SV2B: variants seen among roughly 807,000 people sequenced by gnomAD.
SV2B encodes the protein synaptic vesicle glycoprotein 2B, also known as solute carrier family 22 member B2.
SV2B carries 41 observed loss-of-function variants against 73.9 expected under a neutral mutation model. The ratio of observed to expected loss-of-function variants is 0.56; its 90% CI spans 0.43 to 0.72. The LOEUF (loss-of-function observed/expected upper bound fraction) is 0.72. SV2B is among the 30% of genes least tolerant of loss of function. SV2B has a pLI of 0.00. For synonymous variants in SV2B, 314 were observed against 314.2 expected (o/e 1.00, Z 0.01); for missense variants, 764 against 857.8 (o/e 0.89, Z 1.37).
intron 2 of SV2B, among the ~76,000 whole-genome samples, chr15:91,230,812 G>A (rs1163651238): frequency 3.3e-5 from 5 of 152,142 alleles, no homozygotes; most frequent in Non-Finnish European, 5.9e-5. Context: ...TGGAAATAGA[G>A]GTCACACAGA....
At chr15:91,164,573 A>T (rs908356047) in intron 1 of SV2B, among the ~76,000 whole-genome samples, 8 of 152,186 alleles carry the variant, frequency 5.3e-5, no homozygotes, top group African/African-American at 1.2e-4. Flanking sequence ...TATCTGCAGA[A>T]TTTCTTTACA....
In SV2B at chr15:91,267,735, T is replaced by A; in HGVS notation, c.1208+92T>A. 1 of 1,061,434 alleles carries A rather than the reference T, an allele frequency of 9.4e-7. No individual in the cohort carries two copies. The highest frequency in any genetic ancestry group is 1.4e-6 in the Non-Finnish European group (1 of 700,098). 65.8% of individuals were successfully genotyped at this position (1,061,434 alleles called of 1,614,324 possible). On this transcript the variant is annotated intron_variant, in intron 8 of 12. Transcript: ENST00000394232. This position sits in a 1 kb window ranked among gnomAD's most constrained non-coding sequence, Gnocchi z 4.3. ...ATTACAGTGAGTTCTGACTTAGAAT[T>A]TGTATCAGGTAGGATGCTTTGGTGG...
intron 6 of SV2B, among the ~76,000 whole-genome samples, chr15:91,264,855 C>G (rs905982609): frequency 2.0e-5 from 3 of 152,040 alleles, no homozygotes; most frequent in East Asian, 1.9e-4. Context: ...TGGTCTTATC[C>G]CAGCATGCGT....
rs79707222 is a variant in SV2B at position 91,290,569 on chromosome 15, G to A, written c.1868+889G>A. Reference sequence around the variant, plus strand: ...GTGGTCAGGTGGTCAGTAATAAAACGAAATTATGTATAGGTTTTAAAATAT... The same window carrying A: ...GTGGTCAGGTGGTCAGTAATAAAACAAAATTATGTATAGGTTTTAAAATAT... On this transcript the variant is annotated intron_variant, in intron 12 of 12. Coordinates refer to ENST00000394232, the MANE Select transcript of SV2B (RefSeq NM_001323032.3). This position sits in a 1 kb window ranked among gnomAD's most constrained non-coding sequence, Gnocchi z 4.7. Among the ~76,000 whole-genome samples, 6 of 152,104 alleles carry A rather than the reference G, an allele frequency of 3.9e-5. No individual in the cohort carries two copies. The highest frequency in any genetic ancestry group is 4.1e-4 in the South Asian group (2 of 4,822).
At chr15:91,154,568 G>A (rs772538654) in intron 1 of SV2B, among the ~76,000 whole-genome samples, 1 of 152,180 alleles carries the variant, frequency 6.6e-6, no homozygotes, top group African/African-American at 2.4e-5. Flanking sequence ...ACCTTATTTA[G>A]ATACGGGGTT....
chr15:91,203,023 A>G (rs1291516918), intron 1 of SV2B, among the ~76,000 whole-genome samples: 1 of 152,188 alleles, frequency 6.6e-6, no homozygotes, highest in Non-Finnish European at 1.5e-5. Context: ...CCACCAGAGT[A>G]AACTTTTTGT....
At position 91,295,670 on chromosome 15, in the gene SV2B, TACTC is replaced by T. The variant is rs2049195606; in HGVS notation, c.*3119_*3122del. The T allele has an allele frequency of 1.3e-5, 2 of 152,212 alleles. No individual in the cohort carries two copies. Among genetic ancestry groups the T allele is most frequent in the Admixed American group, 1.3e-4 (2 of 15,282 alleles). The allele number at this position is 152,212 out of a possible 1,614,324, so 9.4% of individuals were successfully genotyped here. A position where few individuals can be genotyped will look rare whatever the true frequency, so the allele number is the denominator to read the frequency against. ...TTGGGGAATGGGACAATGTGACAAA[TACTC>T]GCCATTCCCTGAGACCATTCATTGA... On this transcript the variant is annotated 3_prime_UTR_variant, in exon 13 of 13. Transcript: ENST00000394232.
chr15:91,167,877 G>A (rs144728909), intron 1 of SV2B, among the ~76,000 whole-genome samples: 36 of 152,138 alleles, frequency 2.4e-4, no homozygotes, highest in African/African-American at 8.7e-4. Context: ...TTTGAAAGTG[G>A]GTAATCAACT....
chr15:91,223,986 G>T lies in SV2B; in HGVS notation c.-391-1887G>T, dbSNP rs1452605912. On this transcript the variant is annotated intron_variant, in intron 1 of 12. Transcript: ENST00000394232. This position sits in a 1 kb window ranked among gnomAD's most constrained non-coding sequence, Gnocchi z 4.6. ...ATTTCTGTTGAGCCGCCCACGTTCTGAGTGGTGCTTCACCCTGTAATGTTT... is the reference window on the plus strand; with the variant it reads ...ATTTCTGTTGAGCCGCCCACGTTCTTAGTGGTGCTTCACCCTGTAATGTTT... 1.3e-5 allele frequency among the ~76,000 whole-genome samples: 2 copies of T among 152,222 alleles called. No individual in the cohort carries two copies. Among genetic ancestry groups the T allele is most frequent in the African/African-American group, 4.8e-5 (2 of 41,466 alleles).
rs2048784001 is a variant in SV2B at position 91,284,235 on chromosome 15, AG to A, written c.1708+17del. The A allele has an allele frequency of 6.2e-7, 1 of 1,613,852 alleles. No individual in the cohort carries two copies. Among genetic ancestry groups the A allele is most frequent in the African/African-American group, 1.3e-5 (1 of 74,928 alleles). Reference sequence around the variant, plus strand: ...TCAAGATGATTGGTGAGTTGCCAGCAGGGTCATTCCTGGGTTCCAACGCGCT... The same window carrying A: ...TCAAGATGATTGGTGAGTTGCCAGCAGGTCATTCCTGGGTTCCAACGCGCT... On this transcript the variant is annotated intron_variant, in intron 11 of 12. Transcript: ENST00000394232. This position sits in a 1 kb window ranked among gnomAD's most constrained non-coding sequence, Gnocchi z 4.5.
intron 1 of SV2B, among the ~76,000 whole-genome samples, chr15:91,203,942 C>T (rs993027519): frequency 6.6e-6 from 1 of 152,172 alleles, no homozygotes; most frequent in African/African-American, 2.4e-5. Context: ...AAATAGGAAA[C>T]CTTCTTGCCT....
intron 1 of SV2B, among the ~76,000 whole-genome samples, chr15:91,166,116 C>G (rs928835571): frequency 2.6e-5 from 4 of 152,156 alleles, no homozygotes; most frequent in Non-Finnish European, 4.4e-5. Context: ...CAGTTTTTAA[C>G]TTCAGCATTA....
In SV2B at chr15:91,296,814, C is replaced by A. The variant is rs2049256235; in HGVS notation, c.*4262C>A. On this transcript the variant is annotated 3_prime_UTR_variant, in exon 13 of 13. Coordinates refer to ENST00000394232, the MANE Select transcript of SV2B (RefSeq NM_001323032.3). Reference sequence around the variant, plus strand: ...ATCATTGGGCTCACGCTCCTTCTGCCCGATCGCTGGGCTCACGCTCCTTCT... The same window carrying A: ...ATCATTGGGCTCACGCTCCTTCTGCACGATCGCTGGGCTCACGCTCCTTCT... The A allele has an allele frequency of 6.5e-6, 1 of 153,986 alleles. No individual in the cohort carries two copies. Among genetic ancestry groups the A allele is most frequent in the Non-Finnish European group, 1.4e-5 (1 of 69,732 alleles). The allele number at this position is 153,986 out of a possible 1,614,324, so 9.5% of individuals were successfully genotyped here. A position where few individuals can be genotyped will look rare whatever the true frequency, so the allele number is the denominator to read the frequency against.
rs2041847229 is a variant in SV2B at position 91,105,130 on chromosome 15, T to C, written c.-392+4767T>C. 6.6e-6 allele frequency among the ~76,000 whole-genome samples: 1 copy of C among 152,160 alleles called. No individual in the cohort carries two copies. The highest frequency in any genetic ancestry group is 2.4e-5 in the African/African-American group (1 of 41,436). ...TTGAGTGGTCTCTATGTGCCAGGCA[T>C]GTTATAGGAAGTAGACCCATCTCAT... On this transcript the variant is annotated intron_variant, in intron 1 of 12. Transcript: ENST00000394232. This position sits in a 1 kb window ranked among gnomAD's most constrained non-coding sequence, Gnocchi z 5.5.
At chr15:91,184,030 C>T (rs1034065430) in intron 1 of SV2B, among the ~76,000 whole-genome samples, 1 of 152,068 alleles carries the variant, frequency 6.6e-6, no homozygotes, top group Non-Finnish European at 1.5e-5. Flanking sequence ...AACACTGTAT[C>T]CACCTTCATC....
In SV2B at chr15:91,289,209, T is replaced by C. The variant is rs2048960001; in HGVS notation, c.1709-312T>C. 6.6e-6 allele frequency among the ~76,000 whole-genome samples: 1 copy of C among 152,218 alleles called. No individual in the cohort carries two copies. Among genetic ancestry groups the C allele is most frequent in the African/African-American group, 2.4e-5 (1 of 41,452 alleles). ...ACCTAGAACAATGTCTGGTACATAA[T>C]AGATTCTCAACAAATGCCCCTATCT... On this transcript the variant is annotated intron_variant, in intron 11 of 12. Coordinates refer to ENST00000394232, the MANE Select transcript of SV2B (RefSeq NM_001323032.3). The surrounding 1 kb of genome is among the most constrained non-coding windows in gnomAD (Gnocchi z 4.9).
chr15:91,195,501 G>A (rs531695294), intron 1 of SV2B, among the ~76,000 whole-genome samples: 64 of 152,334 alleles, frequency 4.2e-4, no homozygotes, highest in African/African-American at 1.4e-3. Context: ...TTATAAAATG[G>A]GGAGATGAGC....
intron 1 of SV2B, among the ~76,000 whole-genome samples, chr15:91,195,028 G>A (rs2045194844): frequency 6.6e-6 from 1 of 152,230 alleles, no homozygotes; most frequent in Non-Finnish European, 1.5e-5. Context: ...TGGATATATA[G>A]CCCAAAGGAG....
chr15:91,115,669 G>A lies in SV2B; in HGVS notation c.-392+15306G>A, dbSNP rs985209361. ...TGGGATTACAGGTGTGAGCCACTGC[G>A]CCTGGCCTTCCTTATTTTTTTCTAA... On this transcript the variant is annotated intron_variant, in intron 1 of 12. Coordinates refer to ENST00000394232, the MANE Select transcript of SV2B (RefSeq NM_001323032.3). This position sits in a 1 kb window ranked among gnomAD's most constrained non-coding sequence, Gnocchi z 4.3. Among the ~76,000 whole-genome samples the A allele has an allele frequency of 2.0e-5, 3 of 151,956 alleles. No individual in the cohort carries two copies. The highest frequency in any genetic ancestry group is 2.9e-5 in the Non-Finnish European group (2 of 68,004).
Sources: allele counts gnomAD v4.1 joint callset (sites outside exome capture counted in the v4.1 genomes callset), GRCh38; gene constraint gnomAD v4.1.1; non-coding constraint Gnocchi (gnomAD v3.1); transcripts MANE v1.5; gene names NCBI Gene and HGNC (gene_info 2026-07-23, HGNC 2026-07-21).